Variants in PDE1A observed in about 807,000 individuals in gnomAD.
PDE1A encodes the protein phosphodiesterase 1A, also known as dual specificity calcium/calmodulin-dependent 3',5'-cyclic nucleotide phosphodiesterase 1A.
PDE1A carries 35 observed loss-of-function variants against 61.7 expected under a neutral mutation model. The observed-to-expected ratio is 0.57, with a 90% CI of 0.43 to 0.75. PDE1A has a LOEUF of 0.75. PDE1A is among the 30% of genes least tolerant of loss of function. The probability of loss-of-function intolerance (pLI) is 0.00; values close to 1 mark genes in which losing one functional copy is unlikely to be tolerated. For synonymous variants in PDE1A, 232 were observed against 213.2 expected, an observed-to-expected ratio of 1.09 and a Z score of -0.77; for missense variants, 597 against 630.6, an observed-to-expected ratio of 0.95 and a Z score of 0.57.
intron 13 of PDE1A, among the ~76,000 whole-genome samples, chr2:182,148,029 A>T (rs1028037821): frequency 2.0e-5 from 3 of 152,216 alleles, no homozygotes; most frequent in African/African-American, 7.2e-5. Flanking sequence ...CTATTACAAA[A>T]CAATTTTGTC....
At chr2:182,468,424 A>G (rs1176400775) in intron 2 of PDE1A, among the ~76,000 whole-genome samples, 1 of 151,996 alleles carries the variant, frequency 6.6e-6, no homozygotes, top group East Asian at 1.9e-4. Flanking sequence ...CTCCACATCC[A>G]TTGAAATATT....
chr2:182,177,676 G>C (rs1684385133), intron 13 of PDE1A, among the ~76,000 whole-genome samples: 1 of 152,018 alleles, frequency 6.6e-6, no homozygotes, highest in Admixed American at 6.6e-5. Context: ...TTGTAGTATA[G>C]TTTGAAGTCA....
chr2:182,372,625 A>C (rs1025047589), intron 1 of PDE1A, among the ~76,000 whole-genome samples: 4 of 152,202 alleles, frequency 2.6e-5, no homozygotes, highest in African/African-American at 9.6e-5. Flanking sequence ...TTCACCCCCT[A>C]GTCTGACCCT....
chr2:182,676,681 C>A, the PDE1A span, among the ~76,000 whole-genome samples: 1 of 152,124 alleles, frequency 6.6e-6, no homozygotes, highest in Admixed American at 6.5e-5. Context: ...TACTTTCCAG[C>A]CGAATCCAGC....
chr2:182,504,269 G>T (rs1689265259), intron 2 of PDE1A, among the ~76,000 whole-genome samples: 1 of 152,132 alleles, frequency 6.6e-6, no homozygotes, highest in Non-Finnish European at 1.5e-5. Context: ...TTAGCAATAT[G>T]TTTCTAATTC....
chr2:182,714,841 G>C, the PDE1A span, among the ~76,000 whole-genome samples: 1 of 152,108 alleles, frequency 6.6e-6, no homozygotes, highest in Middle Eastern at 3.2e-3. Flanking sequence ...TTACAAGCGT[G>C]AGCCACCACA....
At chr2:182,186,720 C>A in intron 11 of PDE1A, 132 bp from the exon 12 acceptor site, 1 of 808,304 alleles carries the variant, frequency 1.2e-6, no homozygotes, top group Non-Finnish European at 1.9e-6. Context: ...ATTGGTTCTG[C>A]TTACCCTTTG....
rs748085281 is a variant in PDE1A at position 182,426,554 on chromosome 2, C to G, written c.53+24G>C. On this transcript the variant is annotated intron_variant, in intron 1 of 13. Coordinates refer to ENST00000351439, the Ensembl canonical transcript of PDE1A. The stretch of plus-strand genomic sequence containing the variant: ...CTATTGTTCCTGACAGCCCTAGAGC[C>G]ACCTGCGATGTAGCATTACTTACCT... 13 of 1,502,724 alleles carry G rather than the reference C, an allele frequency of 8.7e-6. No homozygotes were observed. The Admixed American group carries it at 1.8e-4, about 21-fold the overall frequency. 93.1% of individuals were successfully genotyped at this position (1,502,724 alleles called of 1,614,324 possible). A position where few individuals can be genotyped will look rare whatever the true frequency, so the allele number is the denominator to read the frequency against.
chr2:182,420,897 C>T (rs1264348959), intron 1 of PDE1A, among the ~76,000 whole-genome samples: 1 of 152,170 alleles, frequency 6.6e-6, no homozygotes, highest in Non-Finnish European at 1.5e-5. Context: ...TAGCTTGTGT[C>T]CAAGTGGCCG....
At chr2:182,153,499 G>T (rs1321082421) in intron 13 of PDE1A, among the ~76,000 whole-genome samples, 2 of 152,180 alleles carry the variant, frequency 1.3e-5, no homozygotes, top group African/African-American at 2.4e-5. Context: ...TTAGAGGAAG[G>T]CTCTGACACC....
At chr2:182,256,003 TTC>T (rs919642395) in intron 2 of PDE1A, among the ~76,000 whole-genome samples, 3 of 151,036 alleles carry the variant, frequency 2.0e-5, no homozygotes, top group African/African-American at 7.3e-5. Context: ...GTTTGGCTAT[TTC>T]TCTCTTCCTA....
intron 2 of PDE1A, among the ~76,000 whole-genome samples, chr2:182,256,767 T>G (rs1218009824): frequency 6.6e-6 from 1 of 152,230 alleles, no homozygotes; most frequent in African/African-American, 2.4e-5. Flanking sequence ...ACTTTTCGTT[T>G]CTGGGCTACA....
At chr2:182,634,458 G>T in the PDE1A span, among the ~76,000 whole-genome samples, 1 of 152,092 alleles carries the variant, frequency 6.6e-6, no homozygotes, top group Non-Finnish European at 1.5e-5. Context: ...CCAGGAACAA[G>T]GCAGACTAAA....
chr2:182,334,424 A>C (rs55773042), intron 1 of PDE1A, among the ~76,000 whole-genome samples: 1 of 152,096 alleles, frequency 6.6e-6, no homozygotes, highest in Non-Finnish European at 1.5e-5. Flanking sequence ...AAGCTTATGC[A>C]ACACGATCAA....
intron 2 of PDE1A, among the ~76,000 whole-genome samples, chr2:182,263,145 C>T (rs1692351736): frequency 6.6e-6 from 1 of 152,176 alleles, no homozygotes; most frequent in Non-Finnish European, 1.5e-5. Flanking sequence ...TGGGTGTCCT[C>T]ACCTCCATAT....
intron 1 of PDE1A, among the ~76,000 whole-genome samples, chr2:182,372,679 A>G (rs1034566676): frequency 6.6e-6 from 1 of 152,206 alleles, no homozygotes; most frequent in Non-Finnish European, 1.5e-5. Flanking sequence ...CTATGCCACA[A>G]TCTCAGGTCC....
intron 7 of PDE1A, among the ~76,000 whole-genome samples, chr2:182,208,147 T>C (rs982575180): frequency 1.3e-5 from 2 of 152,158 alleles, no homozygotes; most frequent in Non-Finnish European, 2.9e-5. Context: ...GGGCACTGCC[T>C]AGTGGGGCTG....
intron 2 of PDE1A, among the ~76,000 whole-genome samples, chr2:182,499,713 G>T (rs1688974034): frequency 6.6e-6 from 1 of 152,092 alleles, no homozygotes; most frequent in African/African-American, 2.4e-5. Context: ...ACTTATGTTT[G>T]AACCAACTAA....
intron 1 of PDE1A, among the ~76,000 whole-genome samples, chr2:182,399,764 C>T (rs964427661): frequency 3.9e-5 from 6 of 151,960 alleles, no homozygotes; most frequent in African/African-American, 1.4e-4. Context: ...TATTTCACTC[C>T]TCCTAATAGC....
Sources: gnomAD v4.1 joint callset for allele counts (sites outside exome capture counted in the v4.1 genomes callset) on GRCh38, gnomAD v4.1.1 for gene constraint, MANE v1.5 for transcripts, NCBI Gene and HGNC (gene_info 2026-07-23, HGNC 2026-07-21) for gene names.